The following ZBTB7C variants were observed in gnomAD, a reference collection of about 807,000 sequenced individuals.
ZBTB7C encodes the protein zinc finger and BTB domain-containing protein 7C.
ZBTB7C carries 8 observed loss-of-function variants against 25.7 expected under a neutral mutation model. The observed-to-expected ratio is 0.31, with a 90% CI of 0.18 to 0.56. ZBTB7C has a LOEUF of 0.56. ZBTB7C is among the 20% of genes least tolerant of loss of function. The probability of loss-of-function intolerance (pLI) is 0.91; values close to 1 mark genes in which losing one functional copy is unlikely to be tolerated. For synonymous variants in ZBTB7C, 394 were observed against 369.0 expected (o/e 1.07, Z -0.78); for missense variants, 824 against 855.2 (o/e 0.96, Z 0.46).
chr18:48,406,934 C>T (rs371619373), intron 1 of ZBTB7C, among the ~76,000 whole-genome samples: 14 of 152,332 alleles, frequency 9.2e-5, no homozygotes, highest in African/African-American at 3.4e-4. Context: ...TTCCTTCCTG[C>T]TCATACACAC....
intron 1 of ZBTB7C, among the ~76,000 whole-genome samples, chr18:48,406,510 T>A (rs1022810247): frequency 2.6e-5 from 4 of 152,174 alleles, no homozygotes; most frequent in African/African-American, 7.2e-5. Context: ...ATCTATCTTG[T>A]GGGAATGCTG....
upstream of ZBTB7C, among the ~76,000 whole-genome samples, chr18:48,412,523 G>A (rs1307519143): frequency 6.6e-6 from 1 of 152,176 alleles, no homozygotes; most frequent in Non-Finnish European, 1.5e-5. Context: ...CGTGAGTTCA[G>A]AAGTTCACGA....
rs145918879 is a variant in ZBTB7C, at chr18:48,251,607, C to T, written c.-78-65612G>A. ...TTGGGGCTAGGCATGTTCAACATGG[C>T]GGCTCCATCTTCCCTTTTCTTTGTC... On this transcript the variant is annotated intron_variant, in intron 2 of 4. Transcript: ENST00000590800. Among the ~76,000 whole-genome samples, 109 of 152,280 alleles carry T rather than the reference C, an allele frequency of 7.2e-4. No individual in the cohort carries two copies. The East Asian group carries it at 0.012, about 16-fold the overall frequency.
chr18:48,172,260 G>A (rs1364952587), intron 3 of ZBTB7C, among the ~76,000 whole-genome samples: 1 of 152,200 alleles, frequency 6.6e-6, no homozygotes, highest in African/African-American at 2.4e-5. Flanking sequence ...GAAGATGGGT[G>A]GGAAGATGGG....
At chr18:48,207,891 G>A (rs75139675) in intron 2 of ZBTB7C, among the ~76,000 whole-genome samples, 2,778 of 152,282 alleles carry the variant, frequency 0.018, 94 homozygotes, top group African/African-American at 0.063. Flanking sequence ...CCGACTGGAC[G>A]GAGGTTTAAG....
At position 48,028,171 on chromosome 18, in the gene ZBTB7C, G is replaced by C. The variant is rs1405104999; in HGVS notation, c.*1089C>G. 2 of 152,246 alleles carry C rather than the reference G, an allele frequency of 1.3e-5. No individual in the cohort carries two copies. Among genetic ancestry groups the C allele is most frequent in the Non-Finnish European group, 2.9e-5 (2 of 68,082 alleles). 9.4% of individuals were successfully genotyped at this position (152,246 alleles called of 1,614,324 possible). Reference sequence around the variant, plus strand: ...TGTCTGTTGTCAGGAATCAGGATGAGGGGAGACTGTTGCCAGGTGTTAAGA... The same window carrying C: ...TGTCTGTTGTCAGGAATCAGGATGACGGGAGACTGTTGCCAGGTGTTAAGA... On this transcript the variant is annotated 3_prime_UTR_variant, in exon 5 of 5. Transcript: ENST00000590800.
At chr18:48,064,205 C>T (rs2037234086) in intron 3 of ZBTB7C, among the ~76,000 whole-genome samples, 1 of 152,210 alleles carries the variant, frequency 6.6e-6, no homozygotes, top group Non-Finnish European at 1.5e-5. Flanking sequence ...GAGTGTGATG[C>T]CATCCACCTT....
intron 2 of ZBTB7C, among the ~76,000 whole-genome samples, chr18:48,239,869 C>T (rs1407767282): frequency 6.6e-6 from 1 of 152,118 alleles, no homozygotes; most frequent in Non-Finnish European, 1.5e-5. Flanking sequence ...AAGAAGAAAT[C>T]TCTGAATTTC....
chr18:48,368,722 G>A (rs1290853811), intron 1 of ZBTB7C, among the ~76,000 whole-genome samples: 1 of 152,092 alleles, frequency 6.6e-6, no homozygotes, highest in Non-Finnish European at 1.5e-5. Flanking sequence ...CCTATTAGGG[G>A]AAAAACAATT....
At chr18:48,184,505 T>C (rs983822095) in intron 3 of ZBTB7C, among the ~76,000 whole-genome samples, 47 of 152,202 alleles carry the variant, frequency 3.1e-4, no homozygotes, top group Admixed American at 3.0e-3. Flanking sequence ...TATGAGGCAG[T>C]ACCTTCAAGA....
At chr18:48,256,964 G>T (rs2044038928) in intron 2 of ZBTB7C, among the ~76,000 whole-genome samples, 1 of 151,890 alleles carries the variant, frequency 6.6e-6, no homozygotes, top group Non-Finnish European at 1.5e-5. Context: ...TAAGAGGTGA[G>T]ATGAATAGAA....
intron 3 of ZBTB7C, chr18:48,185,393 A>C: frequency 5.0e-6 from 2 of 397,422 alleles, no homozygotes; most frequent in East Asian, 8.2e-5. Flanking sequence ...AGCTCCTCCA[A>C]AACAGAGCCA....
intron 3 of ZBTB7C, among the ~76,000 whole-genome samples, chr18:48,095,746 A>AT (rs10667550): frequency 0.14 from 20,681 of 151,842 alleles, 1,825 homozygotes; most frequent in East Asian, 0.33. Flanking sequence ...ATAAAATAAA[A>AT]ATGGTTATTG....
At chr18:48,033,520 C>G (rs1354594532) in intron 4 of ZBTB7C, among the ~76,000 whole-genome samples, 1 of 152,166 alleles carries the variant, frequency 6.6e-6, no homozygotes, top group African/African-American at 2.4e-5. Context: ...GGAGCTTTCC[C>G]TAATGGAGAC....
At chr18:48,088,665 T>C (rs1399623373) in intron 3 of ZBTB7C, among the ~76,000 whole-genome samples, 3 of 44,722 alleles carry the variant, frequency 6.7e-5, no homozygotes, top group African/African-American at 3.1e-4. Flanking sequence ...CTGTATCTAC[T>C]AAAAATACAA....
intron 4 of ZBTB7C, among the ~76,000 whole-genome samples, chr18:48,030,856 A>C (rs955771464): frequency 3.9e-5 from 6 of 152,042 alleles, no homozygotes; most frequent in African/African-American, 1.5e-4. Flanking sequence ...AACTGATATC[A>C]GGGGGTTGTT....
chr18:48,270,539 A>C (rs968672785), intron 2 of ZBTB7C, among the ~76,000 whole-genome samples: 6 of 150,892 alleles, frequency 4.0e-5, no homozygotes, highest in Non-Finnish European at 7.4e-5. Flanking sequence ...AAATACAAAA[A>C]ATTAGCCAGG....
chr18:48,230,977 C>T (rs2043235839), intron 2 of ZBTB7C, among the ~76,000 whole-genome samples: 1 of 152,232 alleles, frequency 6.6e-6, no homozygotes, highest in Non-Finnish European at 1.5e-5. Context: ...AGAACTGACA[C>T]ACCAGACCCC....
chr18:48,043,770 T>G (rs1370225743), intron 3 of ZBTB7C, among the ~76,000 whole-genome samples: 3 of 152,226 alleles, frequency 2.0e-5, no homozygotes, highest in Non-Finnish European at 4.4e-5. Context: ...GTATCATCTC[T>G]TACAACTGTA....
Sources: gnomAD v4.1 joint callset for allele counts (sites outside exome capture counted in the v4.1 genomes callset) on GRCh38, gnomAD v4.1.1 for gene constraint, MANE v1.5 for transcripts, NCBI Gene and HGNC (gene_info 2026-07-23, HGNC 2026-07-21) for gene names.